ADGRV1: variants seen among roughly 807,000 people sequenced by gnomAD.
ADGRV1 encodes G-protein coupled receptor 98.
A neutral mutation model predicts 596.2 loss-of-function variants in ADGRV1; 359 were observed. The observed-to-expected ratio is 0.60, with a 90% CI of 0.55 to 0.66. The LOEUF (loss-of-function observed/expected upper bound fraction) is 0.66. Among genes scored for constraint, ADGRV1 ranks in the 30% least tolerant of loss-of-function variants. The probability of loss-of-function intolerance (pLI) is 0.00; values close to 1 mark genes in which losing one functional copy is unlikely to be tolerated. For synonymous variants in ADGRV1, 2,681 were observed against 2,679.2 expected, an observed-to-expected ratio of 1.00 and a Z score of -0.02; for missense variants, 7,274 against 7,575.6, an observed-to-expected ratio of 0.96 and a Z score of 1.48.
chr5:90,737,800 T>G (rs557898623), intron 50 of ADGRV1, among the ~76,000 whole-genome samples: 209 of 152,152 alleles, frequency 1.4e-3, no homozygotes, highest in Middle Eastern at 6.8e-3. Flanking sequence ...TTCCTTCATT[T>G]TCACTTTATA....
intron 44 of ADGRV1, among the ~76,000 whole-genome samples, 200 bp from the exon 45 acceptor site, chr5:90,720,735 A>G (rs1750801616): frequency 6.6e-6 from 1 of 152,230 alleles, no homozygotes; most frequent in Admixed American, 6.5e-5. Context: ...AAGAAACATA[A>G]GAATGACAAT....
intron 60 of ADGRV1, among the ~76,000 whole-genome samples, chr5:90,774,564 T>G (rs1758024715): frequency 6.6e-6 from 1 of 152,160 alleles, no homozygotes; most frequent in Admixed American, 6.5e-5. Context: ...ATTGTAGCAG[T>G]GTTTATAAAA....
At chr5:90,989,990 G>A (rs1780830916) in intron 85 of ADGRV1, among the ~76,000 whole-genome samples, 1 of 151,904 alleles carries the variant, frequency 6.6e-6, no homozygotes, top group African/African-American at 2.4e-5. Context: ...CCAATTTTTT[G>A]CATTTTTAGT....
chr5:90,772,405 T>G (rs1222085012), intron 59 of ADGRV1, among the ~76,000 whole-genome samples: 1 of 152,168 alleles, frequency 6.6e-6, no homozygotes, highest in Non-Finnish European at 1.5e-5. Context: ...TTTTAAATTT[T>G]TGTGCTTTCT....
At chr5:90,681,524 G>A in intron 27 of ADGRV1, 70 bp downstream of exon 27, 1 of 1,446,890 alleles carries the variant, frequency 6.9e-7, no homozygotes, top group Non-Finnish European at 9.3e-7. Context: ...TGCTATGAAA[G>A]TGTGTTTTAT....
intron 42 of ADGRV1, among the ~76,000 whole-genome samples, chr5:90,714,247 C>T (rs1441276847): frequency 6.7e-6 from 1 of 149,938 alleles, no homozygotes; most frequent in Non-Finnish European, 1.5e-5. Context: ...TTTCATTTTC[C>T]TGATTGTTAG....
chr5:90,816,311 A>C (rs1762885846), intron 75 of ADGRV1, among the ~76,000 whole-genome samples: 1 of 151,576 alleles, frequency 6.6e-6, no homozygotes, highest in African/African-American at 2.4e-5. Context: ...ACCTCCCTAT[A>C]ATTCTCATTT....
In ADGRV1 at chr5:90,672,660, CT is replaced by C; in HGVS notation, c.4869del (p.Val1624LeufsTer22). ...GATTGAAACTGATGGCATTAATTAC[CT>C]TGTTGATGACTTTGCTAATGCCAGT... ...SQIETDGINY[L>X]VDDFANASGT... On this transcript the variant is annotated frameshift_variant, in exon 22 of 90. Coordinates refer to ENST00000405460, the MANE Select transcript of ADGRV1 (RefSeq NM_032119.4). LOFTEE classifies it high-confidence loss of function. 1 of 1,613,626 alleles carries C rather than the reference CT, an allele frequency of 6.2e-7. No individual in the cohort carries two copies. Among genetic ancestry groups the C allele is most frequent in the South Asian group, 1.1e-5 (1 of 91,042 alleles).
At chr5:90,874,499 CTGT>C (rs922775327) in intron 83 of ADGRV1, among the ~76,000 whole-genome samples, 50 of 152,134 alleles carry the variant, frequency 3.3e-4, no homozygotes, top group African/African-American at 1.1e-3. Context: ...CAGGAATTGC[CTGT>C]CTTGTTCATT....
At chr5:90,820,477 T>A (rs906412892) in intron 75 of ADGRV1, among the ~76,000 whole-genome samples, 4 of 152,138 alleles carry the variant, frequency 2.6e-5, no homozygotes, top group African/African-American at 9.7e-5. Context: ...AGGGGTGATT[T>A]TGCTCATTAG....
intron 58 of ADGRV1, among the ~76,000 whole-genome samples, chr5:90,760,192 C>A (rs1756358424): frequency 6.7e-6 from 1 of 149,404 alleles, no homozygotes; most frequent in South Asian, 2.1e-4. Context: ...AGGAGAATCA[C>A]TTGAACCTGG....
intron 78 of ADGRV1, among the ~76,000 whole-genome samples, chr5:90,844,659 C>T (rs1480709123): frequency 6.6e-6 from 1 of 152,178 alleles, no homozygotes; most frequent in East Asian, 1.9e-4. Flanking sequence ...GTTATCAAAG[C>T]TTGGCAAAGC....
At chr5:91,160,047 C>T (rs373519909) in intron 89 of ADGRV1, among the ~76,000 whole-genome samples, 10 of 152,226 alleles carry the variant, frequency 6.6e-5, no homozygotes, top group East Asian at 5.8e-4. Context: ...CATCCCCAGC[C>T]CCCTAGCCTC....
chr5:91,083,140 G>A (rs1265222020), intron 86 of ADGRV1, among the ~76,000 whole-genome samples: 1 of 149,182 alleles, frequency 6.7e-6, no homozygotes, highest in Non-Finnish European at 1.5e-5. Flanking sequence ...GTGTCGCAAG[G>A]ACAGAAAACC....
rs188983206 is a variant in ADGRV1, at chr5:90,945,268, C to G, written c.17857-20147C>G. On this transcript the variant is annotated intron_variant, in intron 83 of 89. Coordinates refer to ENST00000405460, the MANE Select transcript of ADGRV1 (RefSeq NM_032119.4). The stretch of plus-strand genomic sequence containing the variant: ...TTTTTTTTTTGTTCTTCTCTGTTCT[C>G]TTTAATATTCTAAACTGGTTACTTC... 3.1e-3 allele frequency among the ~76,000 whole-genome samples: 464 copies of G among 151,468 alleles called. 1 individual carries two copies. Among genetic ancestry groups the G allele is most frequent in the African/African-American group, 0.011 (449 of 41,230 alleles).
At chr5:91,056,475 C>T (rs551703734) in intron 85 of ADGRV1, among the ~76,000 whole-genome samples, 1 of 152,210 alleles carries the variant, frequency 6.6e-6, no homozygotes, top group South Asian at 2.1e-4. Flanking sequence ...ATTGTTGTTG[C>T]ATAGAATACG....
rs1231213759 is a variant in ADGRV1 at position 90,781,415 on chromosome 5, G to T, written c.13083-15G>T. 2 of 1,570,376 alleles carry T rather than the reference G, an allele frequency of 1.3e-6. No homozygotes were observed. Among genetic ancestry groups the T allele is most frequent in the Non-Finnish European group, 1.7e-6 (2 of 1,148,088 alleles). On this transcript the variant is annotated splice_polypyrimidine_tract_variant and intron_variant, in intron 64 of 89. Transcript: ENST00000405460. ...GTTGTATTTTATTTTATTTTGATTT[G>T]TATGACTTTGGAAGAGGGTATGATT... is the stretch of plus-strand genomic sequence containing the variant.
intron 2 of ADGRV1, 51 bp downstream of exon 2, chr5:90,615,070 T>C: frequency 8.5e-7 from 1 of 1,182,548 alleles, no homozygotes; most frequent in Non-Finnish European, 1.1e-6. Context: ...TGACGTTTCT[T>C]AGTTTTAATG....
rs117641264 is a variant in ADGRV1, at chr5:90,791,295, G to A, written c.14466G>A (p.Val4822=). 237 of 1,595,368 alleles carry A rather than the reference G, an allele frequency of 1.5e-4. 2 individuals carry two copies. The East Asian group carries it at 4.1e-3, about 27-fold the overall frequency. ...IVTENAERQL[V]VKDGATYKVD... ...CCGAAAATGCAGAGAGGCAGCTGGT[G>A]GTCAAAGATGGTGCCACATATAAAG... Residue 4822 remains valine, a synonymous_variant, in exon 70 of 90, where the codon GTG becomes GTA. Coordinates refer to ENST00000405460, the MANE Select transcript of ADGRV1 (RefSeq NM_032119.4).
Sources: gnomAD v4.1 joint callset for allele counts (sites outside exome capture counted in the v4.1 genomes callset) on GRCh38, gnomAD v4.1.1 for gene constraint, MANE v1.5 for transcripts, NCBI Gene and HGNC (gene_info 2026-07-23, HGNC 2026-07-21) for gene names.